The following PXK variants were observed in gnomAD, a reference collection of about 807,000 sequenced individuals.
The protein encoded by PXK is PX domain-containing protein kinase-like protein.
Under a neutral mutation model 84.7 loss-of-function variants are expected in PXK, and 35 were observed. The ratio of observed to expected loss-of-function variants is 0.41; its 90% confidence interval spans 0.32 to 0.55. The LOEUF is 0.55. Among genes scored for constraint, PXK ranks in the 20% least tolerant of loss-of-function variants. PXK has a pLI of 0.21. For synonymous variants in PXK, 253 were observed against 260.8 expected, an observed-to-expected ratio of 0.97 and a Z score of 0.29; for missense variants, 634 against 699.7, an observed-to-expected ratio of 0.91 and a Z score of 1.06.
chr3:58,399,249 AT>A lies in PXK; in HGVS notation c.1103-47del, dbSNP rs775999031. On this transcript the variant is annotated intron_variant, in intron 11 of 17. Coordinates refer to ENST00000356151, the MANE Select transcript of PXK (RefSeq NM_017771.5). The surrounding 1 kb of genome is among the most constrained non-coding windows in gnomAD (Gnocchi z 4.3). ...TGTTAAACTTTTCATCAGCAAGTGG[AT>A]TTGCCAGCGTGTTCTGTGGAACTAA... is the stretch of plus-strand genomic sequence containing the variant. 1 of 1,535,294 alleles carries A rather than the reference AT, an allele frequency of 6.5e-7. No homozygotes were observed. The highest frequency in any genetic ancestry group is 9.0e-7 in the Non-Finnish European group (1 of 1,108,618).
intron 1 of PXK, among the ~76,000 whole-genome samples, chr3:58,362,092 T>C (rs954512185): frequency 1.3e-5 from 2 of 152,234 alleles, no homozygotes; most frequent in Admixed American, 1.3e-4. Context: ...TAATGTTGAA[T>C]ATATTTTCAT....
rs1263400815 is a variant in PXK at position 58,412,809 on chromosome 3, T to G, written c.1466-92T>G. The stretch of plus-strand genomic sequence containing the variant: ...CAAGGCTCACACACTAAGCCAAATG[T>G]AGATTCTCAGACAGCAGTGGGTCCC... On this transcript the variant is annotated intron_variant, in intron 16 of 17. Coordinates refer to ENST00000356151, the MANE Select transcript of PXK (RefSeq NM_017771.5). The surrounding 1 kb of genome is among the most constrained non-coding windows in gnomAD (Gnocchi z 6.2). 7.7e-7 allele frequency: 1 copy of G among 1,297,672 alleles called. No homozygotes were observed. Among genetic ancestry groups the G allele is most frequent in the Non-Finnish European group, 1.1e-6 (1 of 893,252 alleles). 80.4% of individuals were successfully genotyped at this position (1,297,672 alleles called of 1,614,324 possible).
chr3:58,335,979 G>A (rs986314670), intron 1 of PXK, among the ~76,000 whole-genome samples: 1 of 141,860 alleles, frequency 7.0e-6, no homozygotes, highest in Non-Finnish European at 1.5e-5. Flanking sequence ...GTTATTGCAA[G>A]CAAGCTCATT....
At chr3:58,334,095 C>T (rs575857844) in intron 1 of PXK, among the ~76,000 whole-genome samples, 1 of 152,144 alleles carries the variant, frequency 6.6e-6, no homozygotes, top group Non-Finnish European at 1.5e-5. Flanking sequence ...GGGGGGTCAT[C>T]ATCTGGAGGC....
intron 3 of PXK, among the ~76,000 whole-genome samples, chr3:58,376,492 CA>C (rs1305497122): frequency 6.6e-6 from 1 of 152,068 alleles, no homozygotes; most frequent in Non-Finnish European, 1.5e-5. Flanking sequence ...CTTAAAGTCC[CA>C]GTTTGTAAGA....
Position 58,421,837 on chromosome 3 carries a change from C to A in PXK, c.1529-2915C>A, listed in dbSNP as rs767856846. 41 of 985,270 alleles carry A rather than the reference C, an allele frequency of 4.2e-5. No homozygotes were observed. The highest frequency in any genetic ancestry group is 4.7e-5 in the Non-Finnish European group (39 of 829,932). 61.0% of individuals were successfully genotyped at this position (985,270 alleles called of 1,614,324 possible). ...TGAGATGGGAGAAATCGGGACTGAC[C>A]TGGTCGTAACTGAAGGTAAGCTGTT... On this transcript the variant is annotated intron_variant, in intron 17 of 17. Transcript: ENST00000356151. The surrounding 1 kb of genome is among the most constrained non-coding windows in gnomAD (Gnocchi z 5.5).
At chr3:58,395,171 C>A in intron 8 of PXK, 69 bp downstream of exon 8, 1 of 1,123,610 alleles carries the variant, frequency 8.9e-7, no homozygotes, top group Non-Finnish European at 1.3e-6. Context: ...GATACTTAGT[C>A]TCTAAGACTC....
intron 3 of PXK, among the ~76,000 whole-genome samples, chr3:58,380,081 G>A (rs1171013201): frequency 1.3e-5 from 2 of 152,106 alleles, no homozygotes; most frequent in South Asian, 2.1e-4. Flanking sequence ...GAAAGCAGAA[G>A]GCATGGAGGG....
rs973328682 is a variant in PXK, at chr3:58,399,621, G to A, written c.1181+244G>A. On this transcript the variant is annotated intron_variant, in intron 12 of 17. Coordinates refer to ENST00000356151, the MANE Select transcript of PXK (RefSeq NM_017771.5). This position sits in a 1 kb window ranked among gnomAD's most constrained non-coding sequence, Gnocchi z 4.3. ...TTTCACGTGTATCTCCTCACTCAGC[G>A]TTAGCATTGTGTGTACGTACATTAG... 1.3e-5 allele frequency among the ~76,000 whole-genome samples: 2 copies of A among 152,118 alleles called. No homozygotes were observed. Among genetic ancestry groups the A allele is most frequent in the Non-Finnish European group, 1.5e-5 (1 of 68,026 alleles).
At chr3:58,423,419 C>A in intron 17 of PXK, 1 of 1,521,188 alleles carries the variant, frequency 6.6e-7, no homozygotes, top group Non-Finnish European at 8.8e-7. Flanking sequence ...TCCAAGATTG[C>A]AGAGCATGAG....
rs375318244 is a variant in PXK, at chr3:58,382,520, G to A, written c.208G>A (p.Gly70Ser). The change falls in exon 4 of 18, where the codon GGC becomes AGC. Residue 70 changes from glycine to serine, a missense_variant. This residue lies in a region of PXK where 353 missense variants were observed against 385.2 expected (regional missense o/e 0.92). Coordinates refer to ENST00000356151, the MANE Select transcript of PXK (RefSeq NM_017771.5). Reference sequence around the variant, plus strand: ...TTTTTTTTTTTTTTTAAAGATTGCAGGCCTAAGTCTACCTCTTCCTCCCAA... The same window carrying A: ...TTTTTTTTTTTTTTTAAAGATTGCAAGCCTAAGTCTACCTCTTCCTCCCAA... ...DLLNNSLQIA[G>S]LSLPLPPKKL... 1.5e-4 allele frequency: 231 copies of A among 1,539,484 alleles called. 1 individual carries two copies. The highest frequency in any genetic ancestry group is 1.7e-4 in the Non-Finnish European group (192 of 1,150,980).
At chr3:58,350,593 T>C (rs2097903779) in intron 1 of PXK, among the ~76,000 whole-genome samples, 2 of 152,210 alleles carry the variant, frequency 1.3e-5, no homozygotes, top group Non-Finnish European at 2.9e-5. Flanking sequence ...GTGGAGTCTA[T>C]TCTCATCACA....
At chr3:58,380,278 T>C (rs2098485326) in intron 3 of PXK, among the ~76,000 whole-genome samples, 1 of 151,794 alleles carries the variant, frequency 6.6e-6, no homozygotes, top group African/African-American at 2.4e-5. Context: ...TCAAGAATCA[T>C]TATGATTAGC....
intron 3 of PXK, among the ~76,000 whole-genome samples, chr3:58,381,850 C>T (rs1333810933): frequency 1.3e-5 from 2 of 151,994 alleles, no homozygotes; most frequent in African/African-American, 4.8e-5. Context: ...AGCTGAGAGA[C>T]TCGAACGTGG....
At chr3:58,373,231 A>G (rs6764532) in intron 3 of PXK, among the ~76,000 whole-genome samples, 61,193 of 151,792 alleles carry the variant, frequency 0.4, 13,074 homozygotes, top group Middle Eastern at 0.47. Flanking sequence ...GGCGCCCGCC[A>G]CCATGCCCGG....
chr3:58,402,257 T>TCC (rs1363328984), intron 12 of PXK, among the ~76,000 whole-genome samples: 9 of 35,516 alleles, frequency 2.5e-4, no homozygotes, highest in African/African-American at 8.3e-4. Context: ...GCACTCCCCC[T>TCC]CCCCCTCTCT....
Position 58,412,592 on chromosome 3 carries a change from G to A in PXK, c.1466-309G>A, listed in dbSNP as rs568084396. Among the ~76,000 whole-genome samples, 90 of 152,196 alleles carry A rather than the reference G, an allele frequency of 5.9e-4. No individual in the cohort carries two copies. Among genetic ancestry groups the A allele is most frequent in the Non-Finnish European group, 1.0e-3 (68 of 68,002 alleles). On this transcript the variant is annotated intron_variant, in intron 16 of 17. Coordinates refer to ENST00000356151, the MANE Select transcript of PXK (RefSeq NM_017771.5). This position sits in a 1 kb window ranked among gnomAD's most constrained non-coding sequence, Gnocchi z 6.2. ...GTCATTACCCAGGAGTGGAGGTTGC[G>A]TCAGGAAGAGATACTGCAGCCAATT... is the stretch of plus-strand genomic sequence containing the variant.
At chr3:58,336,061 ATATATATATATT>A (rs1213925629) in intron 1 of PXK, among the ~76,000 whole-genome samples, 56 of 57,866 alleles carry the variant, frequency 9.7e-4, no homozygotes, top group African/African-American at 4.7e-3. Flanking sequence ...ATATATATAT[ATATATATATATT>A]TTTTTTTTTT....
intron 1 of PXK, among the ~76,000 whole-genome samples, chr3:58,346,344 C>G (rs1008305440): frequency 6.6e-6 from 1 of 151,918 alleles, no homozygotes; most frequent in African/African-American, 2.4e-5. Context: ...GTCAAGGATG[C>G]TAATGGAACA....
Sources: gnomAD v4.1 joint callset for allele counts (sites outside exome capture counted in the v4.1 genomes callset) on GRCh38, gnomAD v4.1.1 for gene constraint, gnomAD v4.1.1 regional missense constraint, Gnocchi (gnomAD v3.1) non-coding constraint, MANE v1.5 for transcripts, NCBI Gene and HGNC (gene_info 2026-07-23, HGNC 2026-07-21) for gene names.